C10orf67: variants seen among roughly 807,000 people sequenced by gnomAD.
C10orf67 encodes the protein chromosome 10 open reading frame 67, also known as uncharacterized protein C10orf67, mitochondrial.
A neutral mutation model predicts 35.6 loss-of-function variants in C10orf67; 60 were observed. The ratio of observed to expected loss-of-function variants is 1.68; its 90% CI spans 1.37 to 2.09. The LOEUF (loss-of-function observed/expected upper bound fraction) is 2.09, where lower values mean the gene tolerates loss of function less well. Ranked by LOEUF, C10orf67 falls within the 30% of genes most tolerant of loss-of-function variation. The pLI is 0.00. For missense variants in C10orf67, 474 were observed against 330.2 expected (o/e 1.44, Z -3.38); for synonymous variants, 167 against 115.8 (o/e 1.44, Z -2.84).
At chr10:23,338,721 A>G (rs951193578) in intron 1 of C10orf67, among the ~76,000 whole-genome samples, 1 of 152,258 alleles carries the variant, frequency 6.6e-6, no homozygotes, top group East Asian at 1.9e-4. Flanking sequence ...CTGAAGATTC[A>G]TTTAAGGCCA....
At chr10:23,217,956 C>G (rs1216549517) in intron 15 of C10orf67, among the ~76,000 whole-genome samples, 1 of 151,916 alleles carries the variant, frequency 6.6e-6, no homozygotes, top group Non-Finnish European at 1.5e-5. Flanking sequence ...TATGGGTTGC[C>G]TTCCCTTTTC....
rs76586205 is a variant in C10orf67, at chr10:23,276,064, C to T, written c.975+5949G>A. Among the ~76,000 whole-genome samples the T allele has an allele frequency of 3.0e-3, 452 of 152,224 alleles. 14 individuals are homozygous for T. The East Asian group carries it at 0.049, about 16-fold the overall frequency. ...CTTCCCATTAGGGTGATTAACGATT[C>T]TGGTTTTTCTTAGGACTGTGGGGTT... On this transcript the variant is annotated intron_variant, in intron 8 of 15. Transcript: ENST00000636213.
chr10:23,343,978 G>A, intron 1 of C10orf67: 1 of 458,276 alleles, frequency 2.2e-6, no homozygotes, highest in Non-Finnish European at 4.5e-6. Context: ...CTCTGTCTCA[G>A]GCGAGTCGCC....
intron 13 of C10orf67, among the ~76,000 whole-genome samples, chr10:23,227,410 A>G (rs1841770889): frequency 6.6e-6 from 1 of 152,190 alleles, no homozygotes; most frequent in African/African-American, 2.4e-5. Context: ...AAAACTCTCA[A>G]TAAATTAGGT....
At chr10:23,270,520 G>C (rs1842988276) in intron 8 of C10orf67, among the ~76,000 whole-genome samples, 1 of 152,204 alleles carries the variant, frequency 6.6e-6, no homozygotes, top group South Asian at 2.1e-4. Flanking sequence ...CTGGCAAGGT[G>C]GCAGATCTGT....
chr10:23,318,599 G>A (rs1844826157), intron 4 of C10orf67: 1 of 309,484 alleles, frequency 3.2e-6, no homozygotes, highest in Non-Finnish European at 5.9e-6. Flanking sequence ...CTTGATGGGA[G>A]AGAAACATTG....
chr10:23,292,158 C>CTTTTTTTTTTTTTTTTTTTTTTTCT (rs542812504), intron 5 of C10orf67, among the ~76,000 whole-genome samples: 1 of 69,316 alleles, frequency 1.4e-5, no homozygotes, highest in Non-Finnish European at 2.6e-5. Context: ...GACAGCTACT[C>CTTTTTTTTTTTTTTTTTTTTTTTCT]TTTTTTTTTT....
chr10:23,294,105 C>T (rs1390407288), intron 5 of C10orf67, among the ~76,000 whole-genome samples: 1 of 152,162 alleles, frequency 6.6e-6, no homozygotes, highest in Non-Finnish European at 1.5e-5. Context: ...TGATGCAAGC[C>T]CATGCCTCAT....
chr10:23,278,746 G>A (rs1182268899), intron 8 of C10orf67, among the ~76,000 whole-genome samples: 1 of 152,222 alleles, frequency 6.6e-6, no homozygotes, highest in Non-Finnish European at 1.5e-5. Flanking sequence ...AGAGAGGTCA[G>A]TTCAGGGAGA....
At chr10:23,310,995 C>T (rs1408362288) in intron 4 of C10orf67, among the ~76,000 whole-genome samples, 1 of 151,812 alleles carries the variant, frequency 6.6e-6, no homozygotes, top group Non-Finnish European at 1.5e-5. Context: ...TAGATAGGGT[C>T]TTGCTCTGTC....
intron 2 of C10orf67, among the ~76,000 whole-genome samples, chr10:23,327,295 A>G (rs930593329): frequency 1.1e-4 from 17 of 152,306 alleles, no homozygotes; most frequent in Non-Finnish European, 1.9e-4. Flanking sequence ...AGAATAAATT[A>G]GCTATTAAAA....
rs572825970 is a variant in C10orf67 at position 23,205,854 on chromosome 10, G to A, written c.1571-1599C>T. 1.1e-3 allele frequency among the ~76,000 whole-genome samples: 160 copies of A among 152,186 alleles called. 1 individual carries two copies. The highest frequency in any genetic ancestry group is 1.8e-3 in the Non-Finnish European group (125 of 67,994). Reference sequence around the variant, plus strand: ...GGTAATAAAATTCTTATTTTCTTTAGTTGAAGTAAGTCTCCTAAATAATAA... The same window carrying A: ...GGTAATAAAATTCTTATTTTCTTTAATTGAAGTAAGTCTCCTAAATAATAA... On this transcript the variant is annotated intron_variant, in intron 15 of 15. Coordinates refer to ENST00000636213, the MANE Select transcript of C10orf67 (RefSeq NM_001371909.1).
At chr10:23,338,152 A>G (rs1338369733) in intron 1 of C10orf67, among the ~76,000 whole-genome samples, 4 of 152,222 alleles carry the variant, frequency 2.6e-5, no homozygotes, top group Non-Finnish European at 5.9e-5. Context: ...TGCCCACCCA[A>G]GGGAATCCCC....
intron 12 of C10orf67, among the ~76,000 whole-genome samples, chr10:23,247,454 A>G (rs1452250984): frequency 1.3e-5 from 2 of 152,210 alleles, no homozygotes; most frequent in African/African-American, 2.4e-5. Flanking sequence ...GCTATACCAT[A>G]TAGCCTAGGT....
intron 15 of C10orf67, among the ~76,000 whole-genome samples, chr10:23,221,976 G>C (rs1012555730): frequency 4.6e-5 from 7 of 152,098 alleles, no homozygotes; most frequent in African/African-American, 1.7e-4. Flanking sequence ...ACAGGCATCT[G>C]GTGTGAGCAT....
At chr10:23,225,108 G>A (rs1159967312) in intron 13 of C10orf67, among the ~76,000 whole-genome samples, 1 of 152,176 alleles carries the variant, frequency 6.6e-6, no homozygotes, top group Non-Finnish European at 1.5e-5. Flanking sequence ...AATGTTAAGG[G>A]CAGTCAGAGA....
At chr10:23,272,390 G>A (rs956306868) in intron 8 of C10orf67, among the ~76,000 whole-genome samples, 1 of 152,174 alleles carries the variant, frequency 6.6e-6, no homozygotes, top group Admixed American at 6.5e-5. Context: ...AAGGGTTGAA[G>A]TTCATTTTTC....
intron 12 of C10orf67, among the ~76,000 whole-genome samples, chr10:23,244,045 C>T (rs1052187447): frequency 3.9e-5 from 6 of 152,046 alleles, no homozygotes; most frequent in Admixed American, 1.3e-4. Context: ...GTGCATGCCA[C>T]GACACCCAGC....
At chr10:23,216,005 T>C (rs141925062) in intron 15 of C10orf67, among the ~76,000 whole-genome samples, 142 of 152,300 alleles carry the variant, frequency 9.3e-4, no homozygotes, top group African/African-American at 3.3e-3. Context: ...TACTTCATGA[T>C]GACACTTTAG....
Sources: allele counts gnomAD v4.1 joint callset (sites outside exome capture counted in the v4.1 genomes callset), GRCh38; gene constraint gnomAD v4.1.1; transcripts MANE v1.5; gene names NCBI Gene and HGNC (gene_info 2026-07-23, HGNC 2026-07-21).